The following SLC14A2 variants were observed in gnomAD, a reference collection of about 807,000 sequenced individuals.
SLC14A2 encodes the protein urea transporter 2.
A neutral mutation model predicts 104.6 loss-of-function variants in SLC14A2; 91 were observed. That is an observed-to-expected ratio of 0.87 (90% CI 0.73 to 1.04). SLC14A2 has a LOEUF of 1.04. Among genes scored for constraint, SLC14A2 ranks in the 50% least tolerant of loss-of-function variants. SLC14A2 has a pLI of 0.00. For missense variants in SLC14A2, 1,189 were observed against 1,156.0 expected (o/e 1.03, Z -0.41); for synonymous variants, 476 against 466.4 (o/e 1.02, Z -0.27).
At position 45,252,481 on chromosome 18, in the gene SLC14A2, G is replaced by A. The variant is rs536209344; in HGVS notation, c.-125+39290G>A. On this transcript the variant is annotated intron_variant, in intron 1 of 20. Coordinates refer to the SLC14A2 transcript ENST00000586448. ...GAACATATTAACAAAAAGTTAGATG[G>A]ATATAATCCAGAACATAAACAGATA... Among the ~76,000 whole-genome samples, 16 of 152,286 alleles carry A rather than the reference G, an allele frequency of 1.1e-4. No individual in the cohort carries two copies. The East Asian group carries it at 2.7e-3, about 26-fold the overall frequency.
At chr18:45,557,047 G>A (rs190641470) in intron 2 of SLC14A2, among the ~76,000 whole-genome samples, 61 of 152,350 alleles carry the variant, frequency 4.0e-4, no homozygotes, top group Non-Finnish European at 7.2e-4. Flanking sequence ...CATAGGGTAA[G>A]TGTTCAAGAA....
intron 1 of SLC14A2, among the ~76,000 whole-genome samples, chr18:45,421,721 T>C (rs192387567): frequency 6.6e-6 from 1 of 152,206 alleles, no homozygotes; most frequent in African/African-American, 2.4e-5. Context: ...CCCACAATGC[T>C]CTCCTCACCA....
At chr18:45,679,646 G>T (rs945218779) in intron 19 of SLC14A2, among the ~76,000 whole-genome samples, 1 of 152,212 alleles carries the variant, frequency 6.6e-6, no homozygotes, top group Admixed American at 6.5e-5. Flanking sequence ...GGCACACTTT[G>T]CATGGACAAC....
intron 2 of SLC14A2, among the ~76,000 whole-genome samples, chr18:45,570,528 C>CGTT (rs1189071100): frequency 6.6e-6 from 1 of 152,206 alleles, no homozygotes; most frequent in Non-Finnish European, 1.5e-5. Flanking sequence ...GAGCATGGTA[C>CGTT]GTTGGAATTA....
At chr18:45,449,195 T>C (rs1330472210) in intron 1 of SLC14A2, among the ~76,000 whole-genome samples, 1 of 152,236 alleles carries the variant, frequency 6.6e-6, no homozygotes, top group African/African-American at 2.4e-5. Context: ...TTGAGTCCTT[T>C]GTCTGGACAG....
chr18:45,579,332 T>C (rs1845401895), intron 2 of SLC14A2, among the ~76,000 whole-genome samples: 1 of 152,152 alleles, frequency 6.6e-6, no homozygotes, highest in Admixed American at 6.5e-5. Context: ...CAAATGAGAT[T>C]ACAAATATAG....
At chr18:45,263,345 G>A (rs1568126392) in intron 1 of SLC14A2, among the ~76,000 whole-genome samples, 2 of 152,310 alleles carry the variant, frequency 1.3e-5, no homozygotes, top group East Asian at 3.9e-4. Flanking sequence ...AGGGGTTAGT[G>A]ATATTGATAG....
chr18:45,386,467 C>A (rs2085898071), intron 1 of SLC14A2, among the ~76,000 whole-genome samples: 1 of 152,136 alleles, frequency 6.6e-6, no homozygotes, highest in Non-Finnish European at 1.5e-5. Context: ...ACACGGCGCC[C>A]CCTAATGGAC....
the SLC14A2 span, among the ~76,000 whole-genome samples, chr18:45,187,797 T>TA: frequency 6.6e-6 from 1 of 152,156 alleles, no homozygotes; most frequent in Non-Finnish European, 1.5e-5. Context: ...TGTTTGATAA[T>TA]AAGAGAATTC....
chr18:45,632,359 T>A lies in SLC14A2; in HGVS notation c.531T>A (p.Ile177=), dbSNP rs779304818. ...TCTGTTTCACCGCCAGGTCTGCCATTGCCTCAGGACTCCATGGGTACAACG... is the reference window on the plus strand; with the variant it reads ...TCTGTTTCACCGCCAGGTCTGCCATAGCCTCAGGACTCCATGGGTACAACG... The part of the protein sequence containing the change: ...ALALGQDRSA[I]ASGLHGYNGM... Residue 177 remains isoleucine (I), a synonymous_variant, in exon 5 of 20, where the codon ATT becomes ATA. Transcript: ENST00000255226. 2 of 1,611,466 alleles carry A rather than the reference T, an allele frequency of 1.2e-6. No homozygotes were observed. The highest frequency in any genetic ancestry group is 1.7e-6 in the Non-Finnish European group (2 of 1,179,138).
chr18:45,608,852 C>T (rs1214664946), intron 2 of SLC14A2, among the ~76,000 whole-genome samples: 1 of 152,144 alleles, frequency 6.6e-6, no homozygotes, highest in Non-Finnish European at 1.5e-5. Context: ...GTGAGGGGGG[C>T]ATGGAATAAA....
At chr18:45,677,163 T>C (rs186873638) in intron 18 of SLC14A2, among the ~76,000 whole-genome samples, 200 of 152,322 alleles carry the variant, frequency 1.3e-3, no homozygotes, top group African/African-American at 4.6e-3. Context: ...GCAAGCCCTA[T>C]AGCCACACAG....
intron 16 of SLC14A2, 25 bp from the exon 17 acceptor site, chr18:45,672,875 G>A (rs1274511168): frequency 6.2e-7 from 1 of 1,603,548 alleles, no homozygotes; most frequent in South Asian, 1.1e-5. Context: ...TCCATAATGA[G>A]CATGTAATCC....
At chr18:45,648,645 T>G (rs1280016224) in intron 10 of SLC14A2, among the ~76,000 whole-genome samples, 1 of 152,208 alleles carries the variant, frequency 6.6e-6, no homozygotes, top group African/African-American at 2.4e-5. Flanking sequence ...TTAACTATAT[T>G]TTTTAAAAAT....
At chr18:45,288,877 C>A (rs2084841860) in intron 1 of SLC14A2, among the ~76,000 whole-genome samples, 1 of 152,206 alleles carries the variant, frequency 6.6e-6, no homozygotes, top group Admixed American at 6.5e-5. Flanking sequence ...ACTTGTAGTT[C>A]CTGTGGGGAT....
chr18:45,416,368 G>A (rs936921557), intron 1 of SLC14A2, among the ~76,000 whole-genome samples: 1 of 150,432 alleles, frequency 6.6e-6, no homozygotes, highest in East Asian at 2.0e-4. Context: ...ACCTTGTCAT[G>A]TGAGCGTTTA....
intron 1 of SLC14A2, among the ~76,000 whole-genome samples, chr18:45,286,372 C>A (rs11660474): frequency 1.3e-5 from 2 of 152,026 alleles, no homozygotes; most frequent in African/African-American, 4.8e-5. Context: ...CTTTTTACGT[C>A]CCAGGTCTGC....
At chr18:45,319,215 T>C (rs1307360372) in intron 1 of SLC14A2, among the ~76,000 whole-genome samples, 4 of 152,182 alleles carry the variant, frequency 2.6e-5, no homozygotes, top group South Asian at 4.1e-4. Context: ...GACAGCCTCC[T>C]TGATGAGGAT....
chr18:45,476,872 G>A (rs568001427), intron 1 of SLC14A2, among the ~76,000 whole-genome samples: 1 of 152,326 alleles, frequency 6.6e-6, no homozygotes, highest in African/African-American at 2.4e-5. Flanking sequence ...ATTCTAGTTA[G>A]CAATTCCTCT....
Sources: allele counts gnomAD v4.1 joint callset (sites outside exome capture counted in the v4.1 genomes callset), GRCh38; gene constraint gnomAD v4.1.1; transcripts MANE v1.5; gene names NCBI Gene and HGNC (gene_info 2026-07-23, HGNC 2026-07-21).